PTPRK: variants seen among roughly 807,000 people sequenced by gnomAD.
PTPRK encodes receptor-type tyrosine-protein phosphatase kappa.
In PTPRK, 75 loss-of-function variants were observed where a neutral mutation model predicts 178.0. The observed-to-expected ratio is 0.42, with a 90% CI of 0.35 to 0.51. The LOEUF is 0.51. Among genes scored for constraint, PTPRK ranks in the 20% least tolerant of loss-of-function variants. The pLI is 0.02. For synonymous variants in PTPRK, 637 were observed against 620.6 expected (o/e 1.03, Z -0.39); for missense variants, 1,441 against 1,797.8 (o/e 0.80, Z 3.59).
chr6:127,979,653 G>A lies in PTPRK; in HGVS notation c.3711+1463C>T, dbSNP rs543175705. ...CGAGAGCCTGCCTTTAGACTATTCC[G>A]CTTTGCAGCACCAAAAAGAGTAAAG... is the stretch of plus-strand genomic sequence containing the variant. On this transcript the variant is annotated intron_variant, in intron 25 of 29. Coordinates refer to ENST00000368226, the MANE Select transcript of PTPRK (RefSeq NM_002844.4). 7.9e-5 allele frequency among the ~76,000 whole-genome samples: 12 copies of A among 152,256 alleles called. 1 individual carries two copies. The highest frequency in any genetic ancestry group is 4.1e-4 in the South Asian group (2 of 4,824).
intron 1 of PTPRK, among the ~76,000 whole-genome samples, chr6:128,421,445 G>GT (rs1248745511): frequency 6.6e-6 from 1 of 152,080 alleles, no homozygotes; most frequent in Admixed American, 6.6e-5. Flanking sequence ...AGAATGGGGA[G>GT]TTTTTTTAAA....
intron 2 of PTPRK, among the ~76,000 whole-genome samples, chr6:128,341,201 A>G (rs558145447): frequency 1.3e-5 from 2 of 152,300 alleles, no homozygotes; most frequent in Non-Finnish European, 2.9e-5. Context: ...CAGATGTAAC[A>G]TAAACACAAA....
At chr6:128,437,525 C>G (rs569226697) in intron 1 of PTPRK, among the ~76,000 whole-genome samples, 8 of 152,090 alleles carry the variant, frequency 5.3e-5, no homozygotes, top group African/African-American at 1.9e-4. Flanking sequence ...GGACAAGAAC[C>G]CTTTTCCGGT....
intron 2 of PTPRK, among the ~76,000 whole-genome samples, chr6:128,351,068 T>C (rs773178725): frequency 6.6e-6 from 1 of 152,248 alleles, no homozygotes; most frequent in Non-Finnish European, 1.5e-5. Context: ...GAGACAGCCC[T>C]GAGTCTACAG....
chr6:128,483,088 C>T (rs568946955), intron 1 of PTPRK, among the ~76,000 whole-genome samples: 62 of 152,200 alleles, frequency 4.1e-4, no homozygotes, highest in Middle Eastern at 3.4e-3. Context: ...TGTAGTAATG[C>T]CAACAACACT....
At chr6:128,138,017 T>C (rs948066732) in intron 7 of PTPRK, among the ~76,000 whole-genome samples, 3 of 152,120 alleles carry the variant, frequency 2.0e-5, no homozygotes, top group African/African-American at 7.2e-5. Context: ...ATATTTGACT[T>C]ACAAAATATA....
chr6:128,099,616 G>C (rs1364318078), intron 7 of PTPRK, among the ~76,000 whole-genome samples: 1 of 151,974 alleles, frequency 6.6e-6, no homozygotes, highest in Non-Finnish European at 1.5e-5. Flanking sequence ...AATAGAAACA[G>C]GATATAATAT....
rs747005284 is a variant in PTPRK, at chr6:128,007,855, T to C, written c.2333+1275A>G. Among the ~76,000 whole-genome samples, 91 of 150,954 alleles carry C rather than the reference T, an allele frequency of 6.0e-4. 1 individual carries two copies. The highest frequency in any genetic ancestry group is 1.8e-4 in the Non-Finnish European group (12 of 67,264). ...TACAAATTTAAACTAAACAGAGACA[T>C]AAGGTCTGAAGGTTACATTTGGTGA... On this transcript the variant is annotated intron_variant, in intron 14 of 29. Coordinates refer to ENST00000368226, the MANE Select transcript of PTPRK (RefSeq NM_002844.4).
chr6:128,104,179 T>C (rs1337108556), intron 7 of PTPRK, among the ~76,000 whole-genome samples: 1 of 152,228 alleles, frequency 6.6e-6, no homozygotes, highest in Non-Finnish European at 1.5e-5. Flanking sequence ...CAAGCAATTA[T>C]TGCCATCTAA....
intron 1 of PTPRK, among the ~76,000 whole-genome samples, chr6:128,479,747 T>C (rs1194779013): frequency 6.6e-6 from 1 of 152,124 alleles, no homozygotes; most frequent in Non-Finnish European, 1.5e-5. Flanking sequence ...TTTTCTTTTC[T>C]CACAGCAAAC....
chr6:128,140,809 A>T (rs1795665070), intron 7 of PTPRK, among the ~76,000 whole-genome samples: 1 of 151,978 alleles, frequency 6.6e-6, no homozygotes, highest in Admixed American at 6.6e-5. Context: ...CTTAGTTTTC[A>T]TTTTAAATAA....
intron 3 of PTPRK, among the ~76,000 whole-genome samples, chr6:128,310,551 C>G (rs778696968): frequency 6.6e-6 from 1 of 152,116 alleles, no homozygotes; most frequent in Non-Finnish European, 1.5e-5. Flanking sequence ...CAACTGGCTC[C>G]AAACTGGGAA....
In PTPRK at chr6:128,151,913, T is replaced by C. The variant is rs116397999; in HGVS notation, c.1162+32519A>G. ...GGGAAACTGGGGTCAAATTAAAGGG[T>C]TTTTTTTTCTTGATGAGATTTAAGA... is the stretch of plus-strand genomic sequence containing the variant. On this transcript the variant is annotated intron_variant, in intron 7 of 29. Transcript: ENST00000368226. 5.2e-3 allele frequency among the ~76,000 whole-genome samples: 779 copies of C among 150,822 alleles called. 6 individuals carry two copies. Among genetic ancestry groups the C allele is most frequent in the African/African-American group, 0.018 (724 of 41,158 alleles).
chr6:128,012,223 T>A (rs1779131740), intron 13 of PTPRK, among the ~76,000 whole-genome samples: 3 of 151,354 alleles, frequency 2.0e-5, no homozygotes, highest in Non-Finnish European at 3.0e-5. Flanking sequence ...ACTAAATATG[T>A]CTGTATATAT....
chr6:128,079,831 A>C (rs1562543952), intron 10 of PTPRK, among the ~76,000 whole-genome samples: 1 of 152,214 alleles, frequency 6.6e-6, no homozygotes, highest in African/African-American at 2.4e-5. Flanking sequence ...GTTAGTGGCC[A>C]AAAGTGGAAG....
At chr6:128,247,476 C>T (rs1419805202) in intron 3 of PTPRK, among the ~76,000 whole-genome samples, 6 of 152,040 alleles carry the variant, frequency 3.9e-5, no homozygotes, top group South Asian at 2.1e-4. Flanking sequence ...CATGCCACCA[C>T]GCCTGGCTAA....
chr6:128,060,082 G>A (rs920925673), intron 13 of PTPRK, among the ~76,000 whole-genome samples: 1 of 152,064 alleles, frequency 6.6e-6, no homozygotes, highest in Non-Finnish European at 1.5e-5. Flanking sequence ...AGGTTCCGGG[G>A]TCCAATGTGA....
chr6:128,445,891 T>C lies in PTPRK; in HGVS notation c.101-48203A>G, dbSNP rs138444933. 5.9e-5 allele frequency among the ~76,000 whole-genome samples: 9 copies of C among 152,306 alleles called. No individual in the cohort carries two copies. In the East Asian group the frequency reaches 1.7e-3, roughly 29 times the overall value. On this transcript the variant is annotated intron_variant, in intron 1 of 29. Coordinates refer to ENST00000368226, the MANE Select transcript of PTPRK (RefSeq NM_002844.4). ...TTTGTTTTTGAAACTGAGCAACAATTAACCTCGACAGGGTTGCTAGAAAAT... is the reference window on the plus strand; with the variant it reads ...TTTGTTTTTGAAACTGAGCAACAATCAACCTCGACAGGGTTGCTAGAAAAT...
chr6:128,302,004 C>T (rs1825690782), intron 3 of PTPRK, among the ~76,000 whole-genome samples: 1 of 152,094 alleles, frequency 6.6e-6, no homozygotes, highest in Non-Finnish European at 1.5e-5. Context: ...ATACAGATAA[C>T]TTTATCTTAA....
Sources: allele counts gnomAD v4.1 joint callset (sites outside exome capture counted in the v4.1 genomes callset), GRCh38; gene constraint gnomAD v4.1.1; transcripts MANE v1.5; gene names NCBI Gene and HGNC (gene_info 2026-07-23, HGNC 2026-07-21).